FNBP4: variants seen among roughly 807,000 people sequenced by gnomAD.
FNBP4 encodes formin binding protein 4.
Under a neutral mutation model 119.3 loss-of-function variants are expected in FNBP4, and 34 were observed. The observed-to-expected ratio is 0.28, with a 90% CI of 0.22 to 0.38. The LOEUF (loss-of-function observed/expected upper bound fraction) is 0.38, where lower values mean the gene tolerates loss of function less well. FNBP4 is among the 10% of genes least tolerant of loss of function. The pLI is 1.00. For synonymous variants in FNBP4, 462 were observed against 430.6 expected (o/e 1.07, Z -0.90); for missense variants, 1,112 against 1,228.9 (o/e 0.90, Z 1.42).
intron 12 of FNBP4, chr11:47,729,932 G>A: frequency 6.1e-6 from 6 of 985,408 alleles, no homozygotes; most frequent in Non-Finnish European, 7.2e-6. Context: ...TGTTTTATCA[G>A]TGGCTTTTTC....
At chr11:47,740,743 C>A (rs1461157867) in intron 8 of FNBP4, among the ~76,000 whole-genome samples, 2 of 151,608 alleles carry the variant, frequency 1.3e-5, no homozygotes, top group African/African-American at 4.9e-5. Context: ...CAGGCGAGCA[C>A]CACCAGGTGC....
chr11:47,767,292 G>A lies in FNBP4; in HGVS notation c.-4C>T. 6.6e-7 allele frequency: 1 copy of A among 1,503,978 alleles called. No homozygotes were observed. The highest frequency in any genetic ancestry group is 8.8e-7 in the Non-Finnish European group (1 of 1,132,616). The allele number at this position is 1,503,978 out of a possible 1,614,324, so 93.2% of individuals were successfully genotyped here. Reference sequence around the variant, plus strand: ...CCGCCCGGGACTTCTTCCCCATCGCGAGCCCAAGCGCGAGCAGAGAGCGTC... The same window carrying A: ...CCGCCCGGGACTTCTTCCCCATCGCAAGCCCAAGCGCGAGCAGAGAGCGTC... On this transcript the variant is annotated 5_prime_UTR_variant, in exon 1 of 17. Coordinates refer to ENST00000263773, the MANE Select transcript of FNBP4 (RefSeq NM_015308.5).
chr11:47,767,086 T>C lies in FNBP4; in HGVS notation c.203A>G (p.Asp68Gly). 2 of 1,531,320 alleles carry C rather than the reference T, an allele frequency of 1.3e-6. No homozygotes were observed. The highest frequency in any genetic ancestry group is 1.7e-6 in the Non-Finnish European group (2 of 1,145,380). 94.9% of individuals were successfully genotyped at this position (1,531,320 alleles called of 1,614,324 possible). The part of the protein sequence containing the change: ...TTAVTAAAAS[D>G]DSPSEDEQEA... The stretch of plus-strand genomic sequence containing the variant: ...ACCCTTGCCTTCTGAAGGCGAGTCG[T>C]CCGAGGCCGCGGCGGCAGTCACCGC... The change falls in exon 1 of 17, where the codon GAC becomes GGC. Residue 68 changes from aspartate to glycine, a missense_variant. Asp to Gly is a moderately conservative substitution (Grantham distance 94). Transcript: ENST00000263773.
Position 47,750,906 on chromosome 11 carries a change from C to A in FNBP4, c.906+10G>T, listed in dbSNP as rs61654484. The A allele has an allele frequency of 6.2e-6, 10 of 1,612,906 alleles. No homozygotes were observed. The highest frequency in any genetic ancestry group is 8.5e-6 in the Non-Finnish European group (10 of 1,179,754). On this transcript the variant is annotated intron_variant, in intron 6 of 16. Transcript: ENST00000263773. ...GAAAATAAACAAATGAGGTAAGTTT[C>A]GACACTGACCTTTTTAACTTCTCGC...
In FNBP4 at chr11:47,734,942, C is replaced by T. The variant is rs541307197; in HGVS notation, c.1582-813G>A. Among the ~76,000 whole-genome samples the T allele has an allele frequency of 5.3e-5, 8 of 150,354 alleles. No individual in the cohort carries two copies. The Admixed American group carries it at 5.3e-4, about 10-fold the overall frequency. On this transcript the variant is annotated intron_variant, in intron 9 of 16. Coordinates refer to ENST00000263773, the MANE Select transcript of FNBP4 (RefSeq NM_015308.5). ...GAGCCAAGATTGTGCCACTGCAATCCAGCCTGGTGACAGAGCAAGACTCCA... is the reference window on the plus strand; with the variant it reads ...GAGCCAAGATTGTGCCACTGCAATCTAGCCTGGTGACAGAGCAAGACTCCA...
intron 2 of FNBP4, among the ~76,000 whole-genome samples, chr11:47,763,264 G>A (rs941760512): frequency 5.3e-5 from 8 of 151,958 alleles, no homozygotes; most frequent in African/African-American, 1.9e-4. Flanking sequence ...AGGAGTTCAA[G>A]ACCAGTCTGG....
At chr11:47,726,313 C>G (rs2097560843) in intron 12 of FNBP4, 1 of 151,982 alleles carries the variant, frequency 6.6e-6, no homozygotes, top group Admixed American at 6.6e-5. Context: ...ATAGCTCATT[C>G]TAACCTCAAA....
chr11:47,739,225 C>T (rs760163199), intron 8 of FNBP4, among the ~76,000 whole-genome samples: 3 of 152,146 alleles, frequency 2.0e-5, no homozygotes, highest in South Asian at 2.1e-4. Context: ...CTATTGCATC[C>T]GGCCTAAAAC....
chr11:47,766,362 C>G (rs2097647764), intron 1 of FNBP4, among the ~76,000 whole-genome samples: 1 of 152,194 alleles, frequency 6.6e-6, no homozygotes, highest in Non-Finnish European at 1.5e-5. Context: ...GCAATACTTA[C>G]AAATACATAC....
intron 8 of FNBP4, among the ~76,000 whole-genome samples, chr11:47,740,367 G>A (rs920988843): frequency 6.1e-5 from 9 of 147,918 alleles, no homozygotes; most frequent in Admixed American, 1.3e-4. Context: ...AGCCACGATC[G>A]TGACACTGCA....
In FNBP4 at chr11:47,765,258, AC is replaced by A; in HGVS notation, c.313+11del. 1 of 1,577,164 alleles carries A rather than the reference AC, an allele frequency of 6.3e-7. No individual in the cohort carries two copies. The highest frequency in any genetic ancestry group is 8.6e-7 in the Non-Finnish European group (1 of 1,160,612). ...TGGGAGAAAAAATGTAAAAAACAAA[AC>A]AAAAGCATACCTGTTGCTTTAACAG... is the stretch of plus-strand genomic sequence containing the variant. On this transcript the variant is annotated intron_variant, in intron 2 of 16. Coordinates refer to ENST00000263773, the MANE Select transcript of FNBP4 (RefSeq NM_015308.5).
At chr11:47,727,345 G>T (rs1473375721) in intron 12 of FNBP4, among the ~76,000 whole-genome samples, 1 of 151,196 alleles carries the variant, frequency 6.6e-6, no homozygotes, top group Non-Finnish European at 1.5e-5. Flanking sequence ...TGCCTGCCAG[G>T]TTCAAGCGAT....
chr11:47,760,740 A>G (rs144850764), intron 2 of FNBP4, among the ~76,000 whole-genome samples: 229 of 151,636 alleles, frequency 1.5e-3, no homozygotes, highest in African/African-American at 5.4e-3. Context: ...GGTCTTTTCT[A>G]TTTTCGTAGA....
chr11:47,748,688 C>T (rs1177212187), intron 6 of FNBP4, among the ~76,000 whole-genome samples: 1 of 151,836 alleles, frequency 6.6e-6, no homozygotes, highest in East Asian at 1.9e-4. Flanking sequence ...CTCACTCTGT[C>T]ACCCAGGCTG....
rs571071784 is a variant in FNBP4 at position 47,724,986 on chromosome 11, C to A, written c.2009-208G>T. On this transcript the variant is annotated intron_variant, in intron 12 of 16. Coordinates refer to ENST00000263773, the MANE Select transcript of FNBP4 (RefSeq NM_015308.5). ...ACAGGCATCTATTCTATACTGATAT[C>A]GCTAAAATATTGAACAACTCAGTTC... The A allele has an allele frequency of 8.6e-6, 4 of 464,890 alleles. No homozygotes were observed. The East Asian group carries it at 1.4e-4, about 16-fold the overall frequency. 28.8% of individuals were successfully genotyped at this position (464,890 alleles called of 1,614,324 possible). A position where few individuals can be genotyped will look rare whatever the true frequency, so the allele number is the denominator to read the frequency against.
Position 47,731,374 on chromosome 11 carries a change from C to G in FNBP4, c.2008G>C (p.Gly670Arg), listed in dbSNP as rs781332645. Reference protein sequence around the residue: ...NSTESSETSTGSLCKESFSGQ... With the variant: ...NSTESSETSTRSLCKESFSGQ... ...ATTAGTACAAGGTAAATTGTCTCAC[C>G]TGTGGAAGTTTCAGAGGATTCTGTT... The change falls in exon 12 of 17, where the codon GGT becomes CGT. Residue 670 changes from glycine to arginine, a missense_variant and splice_region_variant. Around this residue, in one of 2 missense-constraint regions of FNBP4, gnomAD observed 826 missense variants for 988.8 expected, o/e 0.84. Transcript: ENST00000263773. The G allele has an allele frequency of 9.3e-6, 15 of 1,608,096 alleles. No individual in the cohort carries two copies. Among genetic ancestry groups the G allele is most frequent in the Non-Finnish European group, 1.1e-5 (13 of 1,177,982 alleles).
intron 8 of FNBP4, 140 bp downstream of exon 8, chr11:47,743,813 T>C (rs1357628843): frequency 2.7e-6 from 2 of 741,922 alleles, no homozygotes; most frequent in African/African-American, 3.5e-5. Context: ...GAGAGGTGGA[T>C]GGAAGCTTCC....
At chr11:47,766,946 C>A in intron 1 of FNBP4, 123 bp downstream of exon 1, 1 of 1,374,062 alleles carries the variant, frequency 7.3e-7, no homozygotes, top group Non-Finnish European at 9.3e-7. Flanking sequence ...GCCTGCAGGC[C>A]CGCAGCAGGC....
At chr11:47,723,926 G>A in intron 14 of FNBP4, 102 bp downstream of exon 14, 1 of 969,518 alleles carries the variant, frequency 1.0e-6, no homozygotes, top group Admixed American at 2.8e-5. Context: ...GACAGTCTTT[G>A]CAATCAAGAG....
Sources: gnomAD v4.1 joint callset for allele counts (sites outside exome capture counted in the v4.1 genomes callset) on GRCh38, gnomAD v4.1.1 for gene constraint, gnomAD v4.1.1 regional missense constraint, MANE v1.5 for transcripts, NCBI Gene and HGNC (gene_info 2026-07-23, HGNC 2026-07-21) for gene names.